Variants in FMN2 observed in about 807,000 individuals in gnomAD.
The protein encoded by FMN2 is formin 2.
In FMN2, 51 loss-of-function variants were observed where a neutral mutation model predicts 142.3. That is an observed-to-expected ratio of 0.36 (90% CI 0.29 to 0.45). FMN2 has a LOEUF of 0.45. FMN2 is among the 20% of genes least tolerant of loss of function. The pLI is 1.00. For missense variants in FMN2, 1,936 were observed against 2,122.8 expected (o/e 0.91, Z 1.73); for synonymous variants, 882 against 869.8 (o/e 1.01, Z -0.25).
intron 7 of FMN2, among the ~76,000 whole-genome samples, chr1:240,259,283 A>G (rs1417705655): frequency 6.6e-6 from 1 of 152,170 alleles, no homozygotes; most frequent in Non-Finnish European, 1.5e-5. Flanking sequence ...TGATAATGAG[A>G]ACCTTATGAA....
At chr1:240,355,498 G>A (rs1672234154) in intron 13 of FMN2, among the ~76,000 whole-genome samples, 1 of 152,098 alleles carries the variant, frequency 6.6e-6, no homozygotes. Context: ...GCACAGTGAG[G>A]CAGGCTCTGC....
chr1:240,112,470 G>T (rs934797205), intron 1 of FMN2, among the ~76,000 whole-genome samples: 2 of 152,120 alleles, frequency 1.3e-5, no homozygotes, highest in African/African-American at 4.8e-5. Context: ...ATTAGAGGCT[G>T]GGTTTGAAGG....
chr1:240,214,288 A>C (rs1666801905), intron 6 of FMN2, among the ~76,000 whole-genome samples: 1 of 152,182 alleles, frequency 6.6e-6, no homozygotes. Context: ...GTGGTGGCTC[A>C]CGCCTGTAAT....
chr1:240,241,634 G>T (rs184518218), intron 6 of FMN2, among the ~76,000 whole-genome samples: 3 of 152,006 alleles, frequency 2.0e-5, no homozygotes, highest in African/African-American at 7.3e-5. Context: ...TGATTTATGC[G>T]TGTCACGCTG....
chr1:240,188,256 C>G lies in FMN2; in HGVS notation c.1980C>G (p.Val660=), dbSNP rs1253616614. 3 of 1,613,402 alleles carry G rather than the reference C, an allele frequency of 1.9e-6. No homozygotes were observed. The African/African-American group carries it at 4.0e-5, about 22-fold the overall frequency. The part of the protein sequence containing the change: ...SETPQKRSDA[V]QKEVVDMKSE... ...CTCCCCAAAAACGCTCAGATGCTGT[C>G]CAGAAGGTAAGATGATCTTATTAGG... Residue 660 remains valine (V), a synonymous_variant, in exon 4 of 18, where the codon GTC becomes GTG. Coordinates refer to ENST00000319653, the MANE Select transcript of FMN2 (RefSeq NM_020066.5).
intron 2 of FMN2, chr1:240,143,017 T>C (rs369660580): frequency 2.6e-6 from 4 of 1,516,868 alleles, no homozygotes; most frequent in Non-Finnish European, 2.7e-6. Context: ...AGCCCAGCCA[T>C]GGCCACTGGA....
intron 1 of FMN2, among the ~76,000 whole-genome samples, chr1:240,109,524 C>G (rs183121551): frequency 5.0e-4 from 76 of 152,136 alleles, no homozygotes; most frequent in Admixed American, 5.9e-4. Flanking sequence ...CTATGTTGAA[C>G]TCACTGAACC....
chr1:240,465,118 C>T (rs1676569510), intron 16 of FMN2, among the ~76,000 whole-genome samples: 1 of 151,994 alleles, frequency 6.6e-6, no homozygotes, highest in African/African-American at 2.4e-5. Flanking sequence ...ACAGAGAGCT[C>T]GTAATAAACT....
chr1:240,257,557 G>A (rs1300269884), intron 6 of FMN2, among the ~76,000 whole-genome samples: 1 of 152,110 alleles, frequency 6.6e-6, no homozygotes, highest in East Asian at 1.9e-4. Context: ...AGTGTGTCAA[G>A]GCTCCACATT....
chr1:240,175,021 CT>C (rs1479696848), intron 2 of FMN2, among the ~76,000 whole-genome samples: 1 of 152,194 alleles, frequency 6.6e-6, no homozygotes, highest in Non-Finnish European at 1.5e-5. Context: ...CACCATTTGA[CT>C]TTCTGACAAT....
intron 8 of FMN2, among the ~76,000 whole-genome samples, chr1:240,299,951 A>G (rs1414963279): frequency 6.6e-6 from 1 of 152,172 alleles, no homozygotes. Context: ...GTATGAAGGC[A>G]CATTTGTGGT....
chr1:240,122,759 A>G (rs1211365346), intron 1 of FMN2, among the ~76,000 whole-genome samples: 2 of 152,032 alleles, frequency 1.3e-5, no homozygotes, highest in African/African-American at 4.8e-5. Context: ...TCTATTAAAG[A>G]AAAAAAATCT....
intron 2 of FMN2, 56 bp downstream of exon 2, chr1:240,123,401 C>G: frequency 1.3e-6 from 2 of 1,546,456 alleles, no homozygotes; most frequent in Non-Finnish European, 1.8e-6. Context: ...GAAATAGCAG[C>G]TACGATGTGT....
chr1:240,341,430 C>T lies in FMN2; in HGVS notation c.4765+7201C>T, dbSNP rs539279658. 9 of 151,908 alleles carry T rather than the reference C, an allele frequency of 5.9e-5. No homozygotes were observed. The South Asian group carries it at 1.0e-3, about 18-fold the overall frequency. 9.4% of individuals were successfully genotyped at this position (151,908 alleles called of 1,614,324 possible). On this transcript the variant is annotated intron_variant, in intron 13 of 17. Coordinates refer to ENST00000319653, the MANE Select transcript of FMN2 (RefSeq NM_020066.5). ...GTTCACAGTTACAGATTGAACTGCT[C>T]GTTCTATTCTTTACCCCCTTCTCAC... is the stretch of plus-strand genomic sequence containing the variant.
At chr1:240,306,458 T>C (rs1296191311) in intron 8 of FMN2, among the ~76,000 whole-genome samples, 1 of 152,170 alleles carries the variant, frequency 6.6e-6, no homozygotes, top group East Asian at 1.9e-4. Context: ...CAGTTTCTAG[T>C]GTTCCCATCT....
chr1:240,241,968 C>G (rs930745303), intron 6 of FMN2, among the ~76,000 whole-genome samples: 11 of 151,920 alleles, frequency 7.2e-5, no homozygotes, highest in African/African-American at 2.7e-4. Context: ...GCCTCAGCCT[C>G]CCGAGTAACT....
At chr1:240,170,532 A>C in intron 2 of FMN2, 1 of 1,543,046 alleles carries the variant, frequency 6.5e-7, no homozygotes, top group Non-Finnish European at 9.0e-7. Flanking sequence ...AAGGGAAAGG[A>C]TTAGTGCCAG....
At chr1:240,302,637 A>T (rs528780818) in intron 8 of FMN2, among the ~76,000 whole-genome samples, 1 of 152,070 alleles carries the variant, frequency 6.6e-6, no homozygotes, top group South Asian at 2.1e-4. Flanking sequence ...TATAATCTCA[A>T]TGGGAAGCAA....
chr1:240,140,413 C>T (rs780243196), intron 2 of FMN2, among the ~76,000 whole-genome samples: 1 of 152,092 alleles, frequency 6.6e-6, no homozygotes, highest in South Asian at 2.1e-4. Context: ...TTTGAAGTTC[C>T]ATTACCAACA....
Sources: gnomAD v4.1 joint callset for allele counts (sites outside exome capture counted in the v4.1 genomes callset) on GRCh38, gnomAD v4.1.1 for gene constraint, MANE v1.5 for transcripts, NCBI Gene and HGNC (gene_info 2026-07-23, HGNC 2026-07-21) for gene names.